GPC5: variants seen among roughly 807,000 people sequenced by gnomAD.
The protein encoded by GPC5 is glypican 5.
In GPC5, 47 loss-of-function variants were observed where a neutral mutation model predicts 53.9. The observed-to-expected ratio is 0.87, with a 90% CI of 0.69 to 1.11. The LOEUF is 1.11. Among genes scored for constraint, GPC5 ranks in the 50% most tolerant of loss-of-function variants. The probability of loss-of-function intolerance (pLI) is 0.00; values close to 1 mark genes in which losing one functional copy is unlikely to be tolerated. For synonymous variants in GPC5, 286 were observed against 263.3 expected, an observed-to-expected ratio of 1.09 and a Z score of -0.84; for missense variants, 748 against 713.1, an observed-to-expected ratio of 1.05 and a Z score of -0.56.
intron 7 of GPC5, among the ~76,000 whole-genome samples, chr13:92,524,679 G>C (rs1194604707): frequency 6.6e-6 from 1 of 152,096 alleles, no homozygotes; most frequent in Non-Finnish European, 1.5e-5. Flanking sequence ...TATCAGAAAA[G>C]CCAGACAGAA....
At chr13:92,263,764 T>C (rs929991526) in intron 7 of GPC5, among the ~76,000 whole-genome samples, 25 of 152,152 alleles carry the variant, frequency 1.6e-4, no homozygotes, top group African/African-American at 5.6e-4. Context: ...TCTGAAAATG[T>C]TTTCTTGTAT....
chr13:91,836,460 T>C (rs186970509), intron 5 of GPC5, among the ~76,000 whole-genome samples: 50 of 152,208 alleles, frequency 3.3e-4, no homozygotes, highest in Middle Eastern at 6.8e-3. Flanking sequence ...ATATCTGTTC[T>C]GCTTAAAACA....
chr13:91,881,459 G>A (rs1047553107), intron 5 of GPC5, among the ~76,000 whole-genome samples: 3 of 152,016 alleles, frequency 2.0e-5, no homozygotes, highest in African/African-American at 7.2e-5. Context: ...TGATGAATTA[G>A]TCTCCTCATC....
intron 2 of GPC5, among the ~76,000 whole-genome samples, chr13:91,534,628 T>A (rs1886502430): frequency 6.6e-6 from 1 of 152,192 alleles, no homozygotes; most frequent in Non-Finnish European, 1.5e-5. Context: ...TATTTAGAAA[T>A]GTTGAAATTC....
chr13:92,513,886 G>C (rs1236776511), intron 7 of GPC5, among the ~76,000 whole-genome samples: 1 of 152,096 alleles, frequency 6.6e-6, no homozygotes. Flanking sequence ...CATGAAGTCA[G>C]TGTGGAATTT....
At chr13:92,591,128 A>G (rs1003877611) in intron 7 of GPC5, among the ~76,000 whole-genome samples, 26 of 152,190 alleles carry the variant, frequency 1.7e-4, no homozygotes, top group Non-Finnish European at 3.1e-4. Context: ...CTGATTGGGA[A>G]AAAAATAATG....
At chr13:92,602,463 G>C (rs1884110206) in intron 7 of GPC5, among the ~76,000 whole-genome samples, 1 of 151,730 alleles carries the variant, frequency 6.6e-6, no homozygotes, top group Non-Finnish European at 1.5e-5. Flanking sequence ...ACATAAACTT[G>C]CCATTTGGAT....
chr13:92,522,520 A>T (rs996411566), intron 7 of GPC5, among the ~76,000 whole-genome samples: 3 of 152,148 alleles, frequency 2.0e-5, no homozygotes, highest in Non-Finnish European at 2.9e-5. Context: ...TTGCAAGAAC[A>T]AAAAAACAAA....
intron 2 of GPC5, among the ~76,000 whole-genome samples, chr13:91,606,477 G>T (rs2033371422): frequency 3.3e-5 from 5 of 150,220 alleles, no homozygotes; most frequent in African/African-American, 1.2e-4. Context: ...CATAAAATGA[G>T]TTAGGGAGGA....
chr13:92,308,542 A>G (rs2043125965), intron 7 of GPC5, among the ~76,000 whole-genome samples: 1 of 152,214 alleles, frequency 6.6e-6, no homozygotes, highest in South Asian at 2.1e-4. Context: ...ATGTATGTCT[A>G]TAATAACTAA....
At chr13:92,668,635 A>T (rs1200937244) in intron 7 of GPC5, among the ~76,000 whole-genome samples, 1 of 152,106 alleles carries the variant, frequency 6.6e-6, no homozygotes, top group Non-Finnish European at 1.5e-5. Context: ...TTCATAGAAA[A>T]GTACTACTTA....
intron 2 of GPC5, among the ~76,000 whole-genome samples, chr13:91,606,369 G>C (rs998704506): frequency 8.7e-5 from 13 of 149,166 alleles, no homozygotes; most frequent in African/African-American, 3.2e-4. Flanking sequence ...GTATTTTATT[G>C]AGGATTTTTG....
At chr13:91,940,402 C>T (rs1172566216) in intron 6 of GPC5, among the ~76,000 whole-genome samples, 2 of 152,088 alleles carry the variant, frequency 1.3e-5, no homozygotes, top group African/African-American at 4.8e-5. Flanking sequence ...TGTTGATGGG[C>T]ATCTAGGTTG....
At chr13:91,528,592 T>C (rs1212705196) in intron 2 of GPC5, among the ~76,000 whole-genome samples, 1 of 152,218 alleles carries the variant, frequency 6.6e-6, no homozygotes, top group Admixed American at 6.5e-5. Flanking sequence ...TCTCTGCTCA[T>C]TACCCACATC....
intron 7 of GPC5, among the ~76,000 whole-genome samples, chr13:92,826,481 A>G (rs759711635): frequency 1.3e-5 from 2 of 152,160 alleles, no homozygotes; most frequent in African/African-American, 2.4e-5. Context: ...AGAGGACTTA[A>G]GACAAGCACA....
chr13:91,924,589 G>A, intron 6 of GPC5, among the ~76,000 whole-genome samples: 1 of 151,612 alleles, frequency 6.6e-6, no homozygotes, highest in South Asian at 2.1e-4. Context: ...AAAAAGTAAA[G>A]CATTAGCTGG....
intron 5 of GPC5, among the ~76,000 whole-genome samples, chr13:91,844,296 G>A (rs1433856214): frequency 6.6e-6 from 1 of 152,232 alleles, no homozygotes; most frequent in African/African-American, 2.4e-5. Flanking sequence ...TTGAAAAGCA[G>A]ATCATCATGA....
At chr13:92,238,285 A>T (rs1027527785) in intron 7 of GPC5, among the ~76,000 whole-genome samples, 2 of 151,956 alleles carry the variant, frequency 1.3e-5, no homozygotes, top group African/African-American at 2.4e-5. Context: ...TGTACAGAGT[A>T]GCTTCATCAC....
intron 6 of GPC5, among the ~76,000 whole-genome samples, chr13:92,115,186 G>A (rs2041590384): frequency 6.6e-6 from 1 of 152,160 alleles, no homozygotes; most frequent in South Asian, 2.1e-4. Flanking sequence ...TAAATGCATA[G>A]TCATGTAACC....
Sources: gnomAD v4.1 joint callset for allele counts (sites outside exome capture counted in the v4.1 genomes callset) on GRCh38, gnomAD v4.1.1 for gene constraint, MANE v1.5 for transcripts, NCBI Gene and HGNC (gene_info 2026-07-23, HGNC 2026-07-21) for gene names.